The following ENOX1 variants were observed in gnomAD, a reference collection of about 807,000 sequenced individuals.
The protein encoded by ENOX1 is ecto-NOX disulfide-thiol exchanger 1.
ENOX1 carries 42 observed loss-of-function variants against 82.5 expected under a neutral mutation model. The observed-to-expected ratio is 0.51, with a 90% CI of 0.40 to 0.66. The LOEUF (loss-of-function observed/expected upper bound fraction) is 0.66, where lower values mean the gene tolerates loss of function less well. Ranked by LOEUF, ENOX1 falls within the 30% of genes least tolerant of loss-of-function variation. ENOX1 has a pLI of 0.00. For missense variants in ENOX1, 608 were observed against 811.6 expected, an observed-to-expected ratio of 0.75 and a Z score of 3.05; for synonymous variants, 271 against 282.2, an observed-to-expected ratio of 0.96 and a Z score of 0.40.
intron 5 of ENOX1, among the ~76,000 whole-genome samples, chr13:43,390,157 G>C (rs569022649): frequency 6.6e-6 from 1 of 152,148 alleles, no homozygotes; most frequent in Admixed American, 6.5e-5. Context: ...ATTTCTAAAA[G>C]CCAAGCAGCC....
chr13:43,347,345 T>C (rs1594070584), intron 8 of ENOX1, among the ~76,000 whole-genome samples: 1 of 152,282 alleles, frequency 6.6e-6, no homozygotes, highest in South Asian at 2.1e-4. Context: ...GAAGCAGAAT[T>C]CCATTAGCCT....
At chr13:43,328,388 C>T (rs1286609865) in intron 9 of ENOX1, among the ~76,000 whole-genome samples, 1 of 152,044 alleles carries the variant, frequency 6.6e-6, no homozygotes, top group Non-Finnish European at 1.5e-5. Flanking sequence ...TAATGGGCTT[C>T]GTTGCTTATA....
At chr13:43,696,758 G>A (rs395138) in intron 1 of ENOX1, among the ~76,000 whole-genome samples, 116,882 of 151,072 alleles carry the variant, frequency 0.77, 48,064 homozygotes, top group South Asian at 0.93. Flanking sequence ...CAAGACGTAC[G>A]TAAATAATGA....
chr13:43,343,804 C>T (rs1281489497), intron 9 of ENOX1, among the ~76,000 whole-genome samples: 6 of 152,116 alleles, frequency 3.9e-5, no homozygotes, highest in Non-Finnish European at 8.8e-5. Flanking sequence ...ACATCGGCAG[C>T]TGTGATGCAT....
intron 5 of ENOX1, among the ~76,000 whole-genome samples, chr13:43,373,451 C>T (rs772180143): frequency 6.6e-6 from 1 of 152,146 alleles, no homozygotes; most frequent in South Asian, 2.1e-4. Flanking sequence ...AGGTGTTGTA[C>T]CCGACACACC....
At chr13:43,399,242 T>C (rs2053347554) in intron 5 of ENOX1, among the ~76,000 whole-genome samples, 1 of 152,200 alleles carries the variant, frequency 6.6e-6, no homozygotes, top group East Asian at 1.9e-4. Flanking sequence ...GGTAGTTAAG[T>C]CTTGGGGGAG....
rs10716300 is a variant in ENOX1, at chr13:43,361,977, T to TAA, written c.209-527_209-526dup. On this transcript the variant is annotated intron_variant, in intron 5 of 16. Coordinates refer to ENST00000690772, the MANE Select transcript of ENOX1 (RefSeq NM_001347969.2). ...CCCACCTAACCTATTTCCCCTGGAA[T>TAA]AAAAAAAAAAAAAAAAGCAAAACAA... Among the ~76,000 whole-genome samples, 146 of 128,656 alleles carry TAA rather than the reference T, an allele frequency of 1.1e-3. 1 individual carries two copies. The highest frequency in any genetic ancestry group is 4.0e-3 in the African/African-American group (139 of 34,996). 84.4% of individuals were successfully genotyped at this position (128,656 alleles called of 152,430 possible).
chr13:43,643,063 A>T (rs560005993), intron 2 of ENOX1, among the ~76,000 whole-genome samples: 100 of 152,250 alleles, frequency 6.6e-4, no homozygotes, highest in African/African-American at 2.2e-3. Context: ...ATTAACTCAA[A>T]ACATTTTTTA....
intron 2 of ENOX1, among the ~76,000 whole-genome samples, chr13:43,587,441 T>C (rs1051918692): frequency 6.6e-6 from 1 of 152,196 alleles, no homozygotes; most frequent in Non-Finnish European, 1.5e-5. Flanking sequence ...TCTTGTGTAC[T>C]ACATACATTC....
chr13:43,631,805 T>C (rs764267812), intron 2 of ENOX1, among the ~76,000 whole-genome samples: 1 of 152,212 alleles, frequency 6.6e-6, no homozygotes, highest in Non-Finnish European at 1.5e-5. Flanking sequence ...CATGTTGCTG[T>C]CATTAAGGCA....
intron 5 of ENOX1, among the ~76,000 whole-genome samples, chr13:43,381,624 A>G (rs1407775): frequency 0.95 from 144,811 of 151,666 alleles, 69,501 homozygotes; most frequent in East Asian, 1. Context: ...AAATTGATAA[A>G]ACTCCAGCCA....
chr13:43,657,622 T>G lies in ENOX1; in HGVS notation c.-219+9857A>C, dbSNP rs181679139. 1.3e-3 allele frequency among the ~76,000 whole-genome samples: 192 copies of G among 152,334 alleles called. 1 individual carries two copies. The highest frequency in any genetic ancestry group is 4.4e-3 in the African/African-American group (181 of 41,588). Reference sequence around the variant, plus strand: ...CATGTAGCTGCTGGAGGAGGTTTCATTCCAGGTATAGAAGGCACAGCTGGT... The same window carrying G: ...CATGTAGCTGCTGGAGGAGGTTTCAGTCCAGGTATAGAAGGCACAGCTGGT... On this transcript the variant is annotated intron_variant, in intron 2 of 16. Coordinates refer to ENST00000690772, the MANE Select transcript of ENOX1 (RefSeq NM_001347969.2).
chr13:43,481,809 C>A (rs1255544619), intron 3 of ENOX1, among the ~76,000 whole-genome samples: 1 of 152,058 alleles, frequency 6.6e-6, no homozygotes, highest in East Asian at 1.9e-4. Flanking sequence ...TACAACTCAA[C>A]TGCAAAATAT....
chr13:43,348,092 T>A (rs547871514), intron 8 of ENOX1, among the ~76,000 whole-genome samples: 13 of 152,346 alleles, frequency 8.5e-5, no homozygotes, highest in African/African-American at 3.1e-4. Flanking sequence ...CATCTGCTCA[T>A]GCTGTGCACT....
chr13:43,639,163 G>GC lies in ENOX1; in HGVS notation c.-219+28315dup, dbSNP rs531912082. 3.2e-3 allele frequency among the ~76,000 whole-genome samples: 490 copies of GC among 152,228 alleles called. 4 individuals carry two copies. Among genetic ancestry groups the GC allele is most frequent in the African/African-American group, 0.011 (471 of 41,516 alleles). ...TACTAAAAACACAAAAAATTAGCTG[G>GC]CCATGGTGGGCGCCTGTAATCCCAG... On this transcript the variant is annotated intron_variant, in intron 2 of 16. Transcript: ENST00000690772.
chr13:43,696,197 A>C (rs1204944851), intron 1 of ENOX1, among the ~76,000 whole-genome samples: 1 of 152,204 alleles, frequency 6.6e-6, no homozygotes, highest in East Asian at 1.9e-4. Context: ...TCTATTCATC[A>C]GTTGATGGAC....
At chr13:43,701,847 C>G (rs533453112) in intron 1 of ENOX1, among the ~76,000 whole-genome samples, 1 of 152,184 alleles carries the variant, frequency 6.6e-6, no homozygotes, top group East Asian at 1.9e-4. Context: ...ATTTTGCCAG[C>G]TTTTGTATGC....
chr13:43,303,061 G>T (rs1328925477), intron 11 of ENOX1, among the ~76,000 whole-genome samples: 1 of 152,186 alleles, frequency 6.6e-6, no homozygotes, highest in African/African-American at 2.4e-5. Context: ...CCTCCACTTT[G>T]CCAGATGTCC....
At chr13:43,760,208 T>C (rs187416427) in intron 1 of ENOX1, among the ~76,000 whole-genome samples, 1 of 152,204 alleles carries the variant, frequency 6.6e-6, no homozygotes, top group Non-Finnish European at 1.5e-5. Flanking sequence ...CTGGTCTAAG[T>C]GCACTTTGTA....
Sources: gnomAD v4.1 joint callset for allele counts (sites outside exome capture counted in the v4.1 genomes callset) on GRCh38, gnomAD v4.1.1 for gene constraint, MANE v1.5 for transcripts, NCBI Gene and HGNC (gene_info 2026-07-23, HGNC 2026-07-21) for gene names.